The following KCNG3 variants were observed in gnomAD, a reference collection of about 807,000 sequenced individuals.
KCNG3 encodes voltage-gated potassium channel regulatory subunit KCNG3.
KCNG3 carries 15 observed loss-of-function variants against 29.0 expected under a neutral mutation model. The observed-to-expected ratio is 0.52, with a 90% CI of 0.35 to 0.80. The LOEUF is 0.80. KCNG3 is among the 30% of genes least tolerant of loss of function. The pLI is 0.01. For missense variants in KCNG3, 512 were observed against 605.7 expected (o/e 0.85, Z 1.62); for synonymous variants, 322 against 248.9 (o/e 1.29, Z -2.76).
At chr2:42,436,084 A>G in the KCNG3 span, among the ~76,000 whole-genome samples, 1 of 152,266 alleles carries the variant, frequency 6.6e-6, no homozygotes, top group African/African-American at 2.4e-5. Context: ...ACATGCTACA[A>G]CATGGATGAA....
At chr2:42,463,105 G>T (rs563165778) in intron 1 of KCNG3, 5 of 230,022 alleles carry the variant, frequency 2.2e-5, no homozygotes, top group Admixed American at 2.1e-4. Flanking sequence ...CTGCAAAATA[G>T]TTTAAAATTA....
the KCNG3 span, among the ~76,000 whole-genome samples, chr2:42,418,266 A>G: frequency 6.6e-6 from 1 of 152,200 alleles, no homozygotes; most frequent in Non-Finnish European, 1.5e-5. Context: ...CCCATGTTGT[A>G]GCATGTAGAA....
At chr2:42,457,926 A>G (rs1317643134) in intron 1 of KCNG3, among the ~76,000 whole-genome samples, 2 of 152,126 alleles carry the variant, frequency 1.3e-5, no homozygotes, top group African/African-American at 4.8e-5. Context: ...CTTCAAAACT[A>G]GCCTGAGCAA....
intron 1 of KCNG3, among the ~76,000 whole-genome samples, chr2:42,477,043 T>C (rs1305875224): frequency 4.3e-4 from 63 of 145,748 alleles, no homozygotes; most frequent in African/African-American, 1.6e-3. Context: ...AAAAAAAAAA[T>C]TAGCCGGGCG....
At chr2:42,412,172 C>T in the KCNG3 span, among the ~76,000 whole-genome samples, 1 of 152,182 alleles carries the variant, frequency 6.6e-6, no homozygotes, top group Non-Finnish European at 1.5e-5. Context: ...TGAATTACAG[C>T]TATGATGATA....
At chr2:42,456,942 T>C (rs1195136190) in intron 1 of KCNG3, among the ~76,000 whole-genome samples, 4 of 152,194 alleles carry the variant, frequency 2.6e-5, no homozygotes, top group African/African-American at 9.7e-5. Flanking sequence ...GTAGGGTTTT[T>C]TTGAGAGGAA....
intron 1 of KCNG3, among the ~76,000 whole-genome samples, chr2:42,449,698 G>A (rs1672701357): frequency 6.6e-6 from 1 of 151,752 alleles, no homozygotes; most frequent in Non-Finnish European, 1.5e-5. Flanking sequence ...TGATCCACCC[G>A]CCTTGGCCTC....
At chr2:42,417,028 C>G in the KCNG3 span, among the ~76,000 whole-genome samples, 5 of 152,040 alleles carry the variant, frequency 3.3e-5, no homozygotes, top group African/African-American at 1.2e-4. Flanking sequence ...GTGGGTGGAT[C>G]ACTTGTGGTC....
chr2:42,482,799 T>C (rs1673622868), intron 1 of KCNG3, among the ~76,000 whole-genome samples: 1 of 151,742 alleles, frequency 6.6e-6, no homozygotes, highest in African/African-American at 2.4e-5. Context: ...AACCACTGCA[T>C]TTTATGGTAT....
rs548179039 is a variant in KCNG3 at position 42,493,289 on chromosome 2, G to A, written c.213C>T (p.Gly71=). The A allele has an allele frequency of 2.1e-5, 34 of 1,611,938 alleles. No homozygotes were observed. In the South Asian group the frequency reaches 3.3e-4, roughly 16 times the overall value. The change falls in exon 1 of 2, where the codon GGC becomes GGT. Residue 71 remains glycine, a synonymous_variant. Transcript: ENST00000306078. The part of the protein sequence containing the change: ...YFFDRHSEAF[G]FILLYVRGHG... The stretch of plus-strand genomic sequence containing the variant: ...GGCCGCGCACGTAGAGCAGGATGAA[G>A]CCGAAGGCCTCCGAGTGCCGGTCGA...
intron 1 of KCNG3, among the ~76,000 whole-genome samples, chr2:42,445,994 C>T (rs774155171): frequency 3.3e-5 from 5 of 151,416 alleles, no homozygotes; most frequent in African/African-American, 1.2e-4. Context: ...CCCGAAGTGT[C>T]GGGATTACAG....
In KCNG3 at chr2:42,466,249, T is replaced by C. The variant is rs140233428; in HGVS notation, c.666-21670A>G. Reference sequence around the variant, plus strand: ...GGTGAAACCCTGTCTCTAACAAAAATACAAAAATTAGTCAGGCGTGGTGGT... The same window carrying C: ...GGTGAAACCCTGTCTCTAACAAAAACACAAAAATTAGTCAGGCGTGGTGGT... On this transcript the variant is annotated intron_variant, in intron 1 of 1. Transcript: ENST00000306078. Among the ~76,000 whole-genome samples, 986 of 151,998 alleles carry C rather than the reference T, an allele frequency of 6.5e-3. 9 individuals are homozygous for C. Among genetic ancestry groups the C allele is most frequent in the African/African-American group, 0.023 (949 of 41,434 alleles).
chr2:42,419,433 G>A, the KCNG3 span, among the ~76,000 whole-genome samples: 2 of 151,346 alleles, frequency 1.3e-5, no homozygotes, highest in African/African-American at 2.4e-5. Flanking sequence ...AAAGAGATGG[G>A]GTTTCGCCAT....
At position 42,492,101 on chromosome 2, in the gene KCNG3, TA is replaced by T. The variant is rs1673893492; in HGVS notation, c.665+735del. Among the ~76,000 whole-genome samples, 3 of 152,228 alleles carry T rather than the reference TA, an allele frequency of 2.0e-5. No individual in the cohort carries two copies. The South Asian group carries it at 6.2e-4, about 31-fold the overall frequency. On this transcript the variant is annotated intron_variant, in intron 1 of 1. Transcript: ENST00000306078. Reference sequence around the variant, plus strand: ...TCCTAGTAAAGTAGAAAAAAAAATTTACCCAAATACTGTTTTCTGGATTTAG... The same window carrying T: ...TCCTAGTAAAGTAGAAAAAAAAATTTCCCAAATACTGTTTTCTGGATTTAG...
At chr2:42,413,698 C>A in the KCNG3 span, 61 of 152,610 alleles carry the variant, frequency 4.0e-4, no homozygotes, top group African/African-American at 1.4e-3. Context: ...AGGAAACTTA[C>A]AATTATGCAG....
At chr2:42,490,932 C>A (rs1347230072) in intron 1 of KCNG3, among the ~76,000 whole-genome samples, 2 of 152,166 alleles carry the variant, frequency 1.3e-5, no homozygotes, top group African/African-American at 4.8e-5. Context: ...GAGCAGCATC[C>A]TCATTCGGCC....
Position 42,451,060 on chromosome 2 carries a change from C to T in KCNG3, c.666-6481G>A, listed in dbSNP as rs1028413340. 4.6e-5 allele frequency among the ~76,000 whole-genome samples: 7 copies of T among 151,438 alleles called. No homozygotes were observed. In the East Asian group the frequency reaches 1.4e-3, roughly 30 times the overall value. ...TCTCTCCCAAAAATACAAAAATTAGCTGGGCATGGTGGCAGGCGCCTGTAA... is the reference window on the plus strand; with the variant it reads ...TCTCTCCCAAAAATACAAAAATTAGTTGGGCATGGTGGCAGGCGCCTGTAA... On this transcript the variant is annotated intron_variant, in intron 1 of 1. Transcript: ENST00000306078.
chr2:42,404,378 A>C, the KCNG3 span, among the ~76,000 whole-genome samples: 1 of 152,210 alleles, frequency 6.6e-6, no homozygotes, highest in South Asian at 2.1e-4. Context: ...TGAGCTCTAG[A>C]AATGACTCCC....
At chr2:42,420,119 G>T in the KCNG3 span, among the ~76,000 whole-genome samples, 8 of 152,260 alleles carry the variant, frequency 5.3e-5, no homozygotes, top group Non-Finnish European at 1.0e-4. Flanking sequence ...AACTACTCAG[G>T]AGGCTGAGGC....
Sources: gnomAD v4.1 joint callset for allele counts (sites outside exome capture counted in the v4.1 genomes callset) on GRCh38, gnomAD v4.1.1 for gene constraint, MANE v1.5 for transcripts, NCBI Gene and HGNC (gene_info 2026-07-23, HGNC 2026-07-21) for gene names.